Variants in TAFA1 observed in about 807,000 individuals in gnomAD.
The protein encoded by TAFA1 is TAFA chemokine like family member 1, also known as chemokine-like protein TAFA-1.
In TAFA1, 4 loss-of-function variants were observed where a neutral mutation model predicts 18.5. That is an observed-to-expected ratio of 0.22 (90% CI 0.11 to 0.49). TAFA1 has a LOEUF of 0.49. Among genes scored for constraint, TAFA1 ranks in the 20% least tolerant of loss-of-function variants. TAFA1 has a pLI of 0.98. For synonymous variants in TAFA1, 56 were observed against 55.2 expected (o/e 1.01, Z -0.06); for missense variants, 147 against 169.0 (o/e 0.87, Z 0.72).
intron 3 of TAFA1, among the ~76,000 whole-genome samples, chr3:68,536,705 T>TA (rs1046177576): frequency 6.6e-6 from 1 of 152,196 alleles, no homozygotes; most frequent in Non-Finnish European, 1.5e-5. Context: ...ACTGGTTTTA[T>TA]AAAATTTTGT....
At chr3:68,067,345 T>C (rs532267374) in intron 2 of TAFA1, among the ~76,000 whole-genome samples, 9 of 152,254 alleles carry the variant, frequency 5.9e-5, no homozygotes, top group South Asian at 4.1e-4. Flanking sequence ...AATATATTCA[T>C]AGTTTCTCAC....
intron 2 of TAFA1, among the ~76,000 whole-genome samples, chr3:68,058,170 T>C (rs1255417761): frequency 2.6e-5 from 4 of 152,232 alleles, no homozygotes; most frequent in Non-Finnish European, 4.4e-5. Context: ...TGAAATCAAG[T>C]TCACAGCTCT....
chr3:68,452,538 A>AC (rs200630345), intron 3 of TAFA1, among the ~76,000 whole-genome samples: 4,145 of 151,302 alleles, frequency 0.027, 79 homozygotes, highest in Non-Finnish European at 0.046. Context: ...AAAAAAAAAA[A>AC]AAACTAGCAA....
At chr3:68,402,520 T>C (rs1046204303) in intron 2 of TAFA1, among the ~76,000 whole-genome samples, 1 of 152,156 alleles carries the variant, frequency 6.6e-6, no homozygotes, top group Non-Finnish European at 1.5e-5. Flanking sequence ...GGGGGAGTAA[T>C]AAATTTTTCT....
At chr3:68,321,567 G>A (rs370584923) in intron 2 of TAFA1, among the ~76,000 whole-genome samples, 61 of 152,258 alleles carry the variant, frequency 4.0e-4, no homozygotes, top group African/African-American at 1.4e-3. Flanking sequence ...AATAAAACAA[G>A]TCTGAAATTT....
At chr3:68,390,914 A>C (rs770701737) in intron 2 of TAFA1, among the ~76,000 whole-genome samples, 1 of 152,198 alleles carries the variant, frequency 6.6e-6, no homozygotes, top group Non-Finnish European at 1.5e-5. Context: ...AAGCAGCACA[A>C]AAAGGCTGAA....
At chr3:67,998,515 T>C in the TAFA1 span, among the ~76,000 whole-genome samples, 3 of 152,190 alleles carry the variant, frequency 2.0e-5, no homozygotes, top group South Asian at 6.2e-4. Flanking sequence ...TCAAGGTCAC[T>C]GGCTTAAGGA....
At chr3:68,002,121 T>C (rs1704289886), upstream of TAFA1, among the ~76,000 whole-genome samples, 4 of 152,326 alleles carry the variant, frequency 2.6e-5, 1 homozygote, top group South Asian at 8.3e-4. Flanking sequence ...AGTTTTGCTT[T>C]GAGTTGGGAG....
intron 2 of TAFA1, among the ~76,000 whole-genome samples, chr3:68,153,174 G>T (rs2065827767): frequency 6.6e-6 from 1 of 152,126 alleles, no homozygotes; most frequent in African/African-American, 2.4e-5. Context: ...AATTTTCTCA[G>T]CAAATATTTT....
At chr3:68,197,748 G>A (rs147631723) in intron 2 of TAFA1, among the ~76,000 whole-genome samples, 14 of 151,758 alleles carry the variant, frequency 9.2e-5, no homozygotes, top group Non-Finnish European at 1.6e-4. Context: ...TCAGGCTCAG[G>A]CTCTGATGAT....
At chr3:68,278,773 C>T (rs929862555) in intron 2 of TAFA1, among the ~76,000 whole-genome samples, 2 of 152,090 alleles carry the variant, frequency 1.3e-5, no homozygotes, top group Non-Finnish European at 2.9e-5. Flanking sequence ...TTCCCACACC[C>T]ACCACCCCCA....
chr3:68,463,656 A>C (rs541447009), intron 3 of TAFA1, among the ~76,000 whole-genome samples: 1 of 152,280 alleles, frequency 6.6e-6, no homozygotes, highest in South Asian at 2.1e-4. Flanking sequence ...CTCCATGTAA[A>C]TAGTGAGCAT....
chr3:68,002,827 G>C (rs1216602788), upstream of TAFA1, among the ~76,000 whole-genome samples: 3 of 151,370 alleles, frequency 2.0e-5, no homozygotes, highest in African/African-American at 4.9e-5. Flanking sequence ...TTCCCCATCT[G>C]TGAAACAGAG....
Position 68,383,882 on chromosome 3 carries a change from A to G in TAFA1, c.119-33398A>G, listed in dbSNP as rs544856669. Among the ~76,000 whole-genome samples the G allele has an allele frequency of 4.6e-5, 7 of 152,172 alleles. No individual in the cohort carries two copies. In the South Asian group the frequency reaches 1.5e-3, roughly 32 times the overall value. Reference sequence around the variant, plus strand: ...TCATTATTGGTCTATTCAGGGATTCAACTTCTTCCTGGTTCAGTCTTGGGA... The same window carrying G: ...TCATTATTGGTCTATTCAGGGATTCGACTTCTTCCTGGTTCAGTCTTGGGA... On this transcript the variant is annotated intron_variant, in intron 2 of 4. Coordinates refer to ENST00000478136, the MANE Select transcript of TAFA1 (RefSeq NM_213609.4).
chr3:68,356,706 T>A (rs2106785380), intron 2 of TAFA1, among the ~76,000 whole-genome samples: 1 of 152,032 alleles, frequency 6.6e-6, no homozygotes, highest in Admixed American at 6.6e-5. Flanking sequence ...AGAATTCAAA[T>A]GCAGCTTCTT....
intron 2 of TAFA1, among the ~76,000 whole-genome samples, chr3:68,356,731 T>C (rs2106785436): frequency 6.6e-6 from 1 of 152,062 alleles, no homozygotes; most frequent in African/African-American, 2.4e-5. Context: ...CTCACGATGA[T>C]TGCTACTTAT....
intron 3 of TAFA1, among the ~76,000 whole-genome samples, chr3:68,431,262 C>T (rs904850557): frequency 5.9e-5 from 9 of 151,908 alleles, no homozygotes; most frequent in African/African-American, 2.2e-4. Flanking sequence ...AGTCCTGCTC[C>T]CTTTAAAATC....
intron 2 of TAFA1, among the ~76,000 whole-genome samples, chr3:68,373,319 T>C (rs2069748152): frequency 1.3e-5 from 2 of 152,194 alleles, no homozygotes; most frequent in Admixed American, 6.5e-5. Flanking sequence ...ATTTTTATTC[T>C]ACAGAGGAAA....
At position 68,194,544 on chromosome 3, in the gene TAFA1, A is replaced by G. The variant is rs529017782; in HGVS notation, c.118+187800A>G. Among the ~76,000 whole-genome samples, 8 of 151,896 alleles carry G rather than the reference A, an allele frequency of 5.3e-5. No homozygotes were observed. The Middle Eastern group carries it at 0.01, about 194-fold the overall frequency. The stretch of plus-strand genomic sequence containing the variant: ...TATATTGTACTAAAAAAATTTAACT[A>G]AATAATATGGAAGCAATATTTTTGT... On this transcript the variant is annotated intron_variant, in intron 2 of 4. Coordinates refer to ENST00000478136, the MANE Select transcript of TAFA1 (RefSeq NM_213609.4).
Sources: gnomAD v4.1 joint callset for allele counts (sites outside exome capture counted in the v4.1 genomes callset) on GRCh38, gnomAD v4.1.1 for gene constraint, MANE v1.5 for transcripts, NCBI Gene and HGNC (gene_info 2026-07-23, HGNC 2026-07-21) for gene names.